LRRC18: variants seen among roughly 807,000 people sequenced by gnomAD.
The protein encoded by LRRC18 is leucine-rich repeat-containing protein 18.
LRRC18 carries 12 observed loss-of-function variants against 11.2 expected under a neutral mutation model. The ratio of observed to expected loss-of-function variants is 1.07; its 90% confidence interval spans 0.69 to 1.74. The LOEUF (loss-of-function observed/expected upper bound fraction) is 1.74. Ranked by LOEUF, LRRC18 falls within the 40% of genes most tolerant of loss-of-function variation. The pLI is 0.00. For missense variants in LRRC18, 374 were observed against 330.5 expected (o/e 1.13, Z -1.02); for synonymous variants, 155 against 130.6 (o/e 1.19, Z -1.27).
At chr10:48,921,049 C>T in the LRRC18 span, among the ~76,000 whole-genome samples, 2 of 152,072 alleles carry the variant, frequency 1.3e-5, no homozygotes, top group Non-Finnish European at 2.9e-5. Context: ...AATTGGATGA[C>T]TTAATGTCAA....
At chr10:48,918,737 T>C (rs934637403), upstream of LRRC18, among the ~76,000 whole-genome samples, 7 of 136,242 alleles carry the variant, frequency 5.1e-5, no homozygotes, top group African/African-American at 1.9e-4. Flanking sequence ...AGGTAATTAT[T>C]TGTTGTCAGC....
chr10:48,910,120 G>A, exon 2 of LRRC18: 1 of 986,136 alleles, frequency 1.0e-6, no homozygotes, highest in Non-Finnish European at 1.6e-6. Context: ...GCTCCGGCGA[G>A]CCTGGTTTCC....
chr10:48,930,877 T>C, the LRRC18 span, among the ~76,000 whole-genome samples: 1 of 152,174 alleles, frequency 6.6e-6, no homozygotes, highest in African/African-American at 2.4e-5. Context: ...GTGTGAGCCC[T>C]GTGTTCTCTG....
the LRRC18 span, among the ~76,000 whole-genome samples, chr10:48,936,379 A>AC: frequency 6.6e-6 from 1 of 152,136 alleles, no homozygotes; most frequent in Non-Finnish European, 1.5e-5. Flanking sequence ...AAATTCTACT[A>AC]CCCAGTATAC....
the LRRC18 span, among the ~76,000 whole-genome samples, chr10:48,927,233 C>T: frequency 6.6e-6 from 1 of 152,156 alleles, no homozygotes; most frequent in Non-Finnish European, 1.5e-5. Flanking sequence ...CGAACCCTCC[C>T]CCCTGCTTCC....
the LRRC18 span, among the ~76,000 whole-genome samples, chr10:48,936,627 G>A: frequency 6.6e-6 from 1 of 151,906 alleles, no homozygotes; most frequent in Non-Finnish European, 1.5e-5. Context: ...CACAAGGTCT[G>A]GAGATCGAGA....
chr10:48,915,830 C>T (rs957809141), upstream of LRRC18, among the ~76,000 whole-genome samples: 2 of 152,204 alleles, frequency 1.3e-5, no homozygotes, highest in African/African-American at 2.4e-5. Context: ...TGTTCATTTA[C>T]ACAGGCCTTG....
At chr10:48,937,502 C>G in the LRRC18 span, among the ~76,000 whole-genome samples, 1 of 152,282 alleles carries the variant, frequency 6.6e-6, no homozygotes, top group East Asian at 1.9e-4. Flanking sequence ...TGAATTTCAC[C>G]TCCCTGGCCT....
At chr10:48,922,823 C>A in the LRRC18 span, among the ~76,000 whole-genome samples, 7 of 152,142 alleles carry the variant, frequency 4.6e-5, no homozygotes, top group African/African-American at 1.7e-4. Context: ...ATTTATGTCA[C>A]CTTCTGAAAA....
At chr10:48,916,594 A>G (rs929638180), upstream of LRRC18, among the ~76,000 whole-genome samples, 1 of 152,222 alleles carries the variant, frequency 6.6e-6, no homozygotes, top group Non-Finnish European at 1.5e-5. Flanking sequence ...CAACAGATTT[A>G]GAAAACAAAA....
At chr10:48,939,066 C>A in the LRRC18 span, among the ~76,000 whole-genome samples, 2 of 152,206 alleles carry the variant, frequency 1.3e-5, no homozygotes, top group Non-Finnish European at 2.9e-5. Context: ...CCCAGCAAAC[C>A]CTGAGGAGCT....
chr10:48,914,056 A>T, exon 1 of LRRC18: 1 of 1,614,208 alleles, frequency 6.2e-7, no homozygotes, highest in Admixed American at 1.7e-5. Context: ...ATCTTGCTCA[A>T]GTCAAGGCGC....
the LRRC18 span, among the ~76,000 whole-genome samples, chr10:48,924,249 T>A: frequency 6.6e-6 from 1 of 152,170 alleles, no homozygotes; most frequent in African/African-American, 2.4e-5. Flanking sequence ...ACCCTTCCTC[T>A]CAGTTATAGA....
chr10:48,934,773 G>T, the LRRC18 span, among the ~76,000 whole-genome samples: 47 of 152,296 alleles, frequency 3.1e-4, no homozygotes, highest in Non-Finnish European at 6.8e-4. Context: ...GTGACTGGTC[G>T]GGTGAAAGCA....
At chr10:48,928,536 C>A in the LRRC18 span, among the ~76,000 whole-genome samples, 2 of 152,178 alleles carry the variant, frequency 1.3e-5, no homozygotes, top group Non-Finnish European at 2.9e-5. Flanking sequence ...ACCGTGACCC[C>A]TGCCTCCCTG....
the LRRC18 span, among the ~76,000 whole-genome samples, chr10:48,924,167 G>T: frequency 1.3e-5 from 2 of 152,190 alleles, no homozygotes; most frequent in Non-Finnish European, 2.9e-5. Context: ...AGGCAGCCCC[G>T]GGGCCAGATG....
intron 1 of LRRC18, among the ~76,000 whole-genome samples, chr10:48,911,756 A>G (rs1223406485): frequency 6.6e-6 from 1 of 152,222 alleles, no homozygotes; most frequent in Non-Finnish European, 1.5e-5. Flanking sequence ...TTAAGCTACT[A>G]TATTTAGTAG....
chr10:48,936,458 C>T, the LRRC18 span, among the ~76,000 whole-genome samples: 1 of 151,874 alleles, frequency 6.6e-6, no homozygotes, highest in South Asian at 2.1e-4. Context: ...TCATAAAGCA[C>T]ATAAAAATAA....
At chr10:48,913,950 A>G (rs1838256450) in exon 1 of LRRC18, 1 of 1,614,070 alleles carries the variant, frequency 6.2e-7, no homozygotes, top group Middle Eastern at 1.6e-4. Context: ...GAACTTGGAG[A>G]TGGAGTCAGG....
Sources: gnomAD v4.1 joint callset for allele counts (sites outside exome capture counted in the v4.1 genomes callset) on GRCh38, gnomAD v4.1.1 for gene constraint, MANE v1.5 for transcripts, NCBI Gene and HGNC (gene_info 2026-07-23, HGNC 2026-07-21) for gene names.